Variants in RBFOX1 observed in about 807,000 individuals in gnomAD.
RBFOX1 encodes the protein RNA binding fox-1 homolog 1.
Under a neutral mutation model 57.7 loss-of-function variants are expected in RBFOX1, and 8 were observed. The observed-to-expected ratio is 0.14, with a 90% CI of 0.08 to 0.25. The LOEUF (loss-of-function observed/expected upper bound fraction) is 0.25. Ranked by LOEUF, RBFOX1 falls within the 10% of genes least tolerant of loss-of-function variation. The pLI is 1.00. For synonymous variants in RBFOX1, 326 were observed against 222.4 expected (o/e 1.47, Z -4.15); for missense variants, 611 against 548.5 (o/e 1.11, Z -1.14).
chr16:5,701,780 C>T (rs2051059145), intron 3 of RBFOX1, among the ~76,000 whole-genome samples: 2 of 152,194 alleles, frequency 1.3e-5, no homozygotes, highest in Admixed American at 6.5e-5. Context: ...CATTTTTTGT[C>T]CGTGGCATCC....
intron 4 of RBFOX1, among the ~76,000 whole-genome samples, chr16:5,966,475 T>C (rs929241835): frequency 2.0e-5 from 3 of 152,160 alleles, no homozygotes. Flanking sequence ...GTTTTTGTTT[T>C]GAGGTAGAGT....
At chr16:6,843,239 C>A (rs757861542) in intron 3 of RBFOX1, among the ~76,000 whole-genome samples, 1 of 151,996 alleles carries the variant, frequency 6.6e-6, no homozygotes, top group Non-Finnish European at 1.5e-5. Flanking sequence ...TTCTGTGAAC[C>A]TTTTGCAAAG....
At chr16:6,532,807 A>G (rs1453193380) in intron 2 of RBFOX1, among the ~76,000 whole-genome samples, 3 of 152,104 alleles carry the variant, frequency 2.0e-5, no homozygotes, top group African/African-American at 7.2e-5. Context: ...CTGTGCTCCT[A>G]GCATGTACAC....
At chr16:6,235,863 G>A (rs1321051377) in intron 1 of RBFOX1, among the ~76,000 whole-genome samples, 1 of 152,200 alleles carries the variant, frequency 6.6e-6, no homozygotes, top group African/African-American at 2.4e-5. Context: ...GGAGGAAAGG[G>A]TGAGAAAGGG....
chr16:6,311,932 A>G (rs143061225), intron 1 of RBFOX1, among the ~76,000 whole-genome samples: 3 of 152,242 alleles, frequency 2.0e-5, no homozygotes, highest in East Asian at 1.9e-4. Context: ...CAGCTTGCTG[A>G]TTTGGCTTCA....
chr16:7,545,375 C>A (rs1345774787), intron 5 of RBFOX1, among the ~76,000 whole-genome samples: 2 of 152,050 alleles, frequency 1.3e-5, no homozygotes, highest in Non-Finnish European at 2.9e-5. Flanking sequence ...CACAGCCAGG[C>A]CTCTGCCTTT....
intron 3 of RBFOX1, among the ~76,000 whole-genome samples, chr16:6,889,448 G>T (rs753499618): frequency 6.6e-6 from 1 of 152,232 alleles, no homozygotes; most frequent in Non-Finnish European, 1.5e-5. Flanking sequence ...ACGTGGAACA[G>T]ATAACTTTGA....
At chr16:6,723,477 G>A (rs1191845252) in intron 3 of RBFOX1, among the ~76,000 whole-genome samples, 3 of 152,148 alleles carry the variant, frequency 2.0e-5, no homozygotes, top group African/African-American at 7.2e-5. Flanking sequence ...TTATAGTTTT[G>A]ATCTGGGTAG....
At chr16:5,937,068 C>A (rs998062938) in intron 4 of RBFOX1, among the ~76,000 whole-genome samples, 7 of 149,972 alleles carry the variant, frequency 4.7e-5, no homozygotes, top group African/African-American at 1.7e-4. Flanking sequence ...TTGTCTGCAT[C>A]ATAGACCTAT....
At chr16:6,562,473 C>G (rs889926128) in intron 2 of RBFOX1, among the ~76,000 whole-genome samples, 1 of 152,296 alleles carries the variant, frequency 6.6e-6, no homozygotes, top group African/African-American at 2.4e-5. Flanking sequence ...TGCTGGCATA[C>G]AGGAGGTATA....
chr16:5,821,808 C>G (rs1038599195), intron 3 of RBFOX1, among the ~76,000 whole-genome samples: 2 of 152,124 alleles, frequency 1.3e-5, no homozygotes, highest in Admixed American at 6.5e-5. Context: ...CCAGGATGGT[C>G]TCTTGCTGCT....
intron 4 of RBFOX1, among the ~76,000 whole-genome samples, chr16:7,098,420 T>C (rs2062061938): frequency 6.6e-6 from 1 of 152,166 alleles, no homozygotes; most frequent in Non-Finnish European, 1.5e-5. Context: ...TCCACCTGCC[T>C]AGGCCTCCCA....
intron 4 of RBFOX1, among the ~76,000 whole-genome samples, chr16:7,134,623 T>C (rs937688154): frequency 1.3e-5 from 2 of 152,128 alleles, no homozygotes; most frequent in Non-Finnish European, 2.9e-5. Flanking sequence ...CCTGCCCACA[T>C]CCAGAAAATG....
intron 3 of RBFOX1, among the ~76,000 whole-genome samples, chr16:6,943,300 T>G (rs2078883555): frequency 6.6e-6 from 1 of 152,190 alleles, no homozygotes; most frequent in African/African-American, 2.4e-5. Flanking sequence ...AAAGAGGGTG[T>G]TAAAGCAAAC....
chr16:7,701,818 A>G (rs2080833172), intron 14 of RBFOX1, among the ~76,000 whole-genome samples: 1 of 152,232 alleles, frequency 6.6e-6, no homozygotes, highest in South Asian at 2.1e-4. Flanking sequence ...ACCCTTGTAG[A>G]GTGAAAGTGA....
Position 6,326,693 on chromosome 16 carries a change from A to G in RBFOX1, c.-64+9636A>G, listed in dbSNP as rs111729643. Among the ~76,000 whole-genome samples, 1,158 of 151,980 alleles carry G rather than the reference A, an allele frequency of 7.6e-3. 11 individuals carry two copies. Among genetic ancestry groups the G allele is most frequent in the African/African-American group, 0.025 (1,023 of 41,498 alleles). On this transcript the variant is annotated intron_variant, in intron 2 of 15. Coordinates refer to ENST00000550418, the MANE Select transcript of RBFOX1 (RefSeq NM_018723.4). ...TTACAGCTGCTAATGCATTAATAAC[A>G]GAAACGTCCGTGGCCATGACCTACC...
intron 1 of RBFOX1, among the ~76,000 whole-genome samples, chr16:6,028,870 A>G (rs2095245645): frequency 6.6e-6 from 1 of 152,204 alleles, no homozygotes; most frequent in South Asian, 2.1e-4. Context: ...CTGAGCGCCA[A>G]GGTGCGAAAG....
intron 14 of RBFOX1, among the ~76,000 whole-genome samples, chr16:7,703,031 A>C (rs1362197802): frequency 6.6e-6 from 1 of 152,128 alleles, no homozygotes; most frequent in South Asian, 2.1e-4. Context: ...ATCTCATTTG[A>C]CCCTATACAG....
intron 2 of RBFOX1, among the ~76,000 whole-genome samples, chr16:6,588,659 A>T (rs1840366902): frequency 6.6e-6 from 1 of 152,224 alleles, no homozygotes; most frequent in South Asian, 2.1e-4. Flanking sequence ...CTGAAAAACA[A>T]AAAATGAGAA....
Sources: allele counts gnomAD v4.1 joint callset (sites outside exome capture counted in the v4.1 genomes callset), GRCh38; gene constraint gnomAD v4.1.1; transcripts MANE v1.5; gene names NCBI Gene and HGNC (gene_info 2026-07-23, HGNC 2026-07-21).